Variants in LRRC8B observed in about 807,000 individuals in gnomAD.
LRRC8B encodes the protein leucine rich repeat containing 8 VRAC subunit B.
A neutral mutation model predicts 58.8 loss-of-function variants in LRRC8B; 23 were observed. The ratio of observed to expected loss-of-function variants is 0.39; its 90% confidence interval spans 0.28 to 0.55. The LOEUF (loss-of-function observed/expected upper bound fraction) is 0.55, where lower values mean the gene tolerates loss of function less well. Among genes scored for constraint, LRRC8B ranks in the 20% least tolerant of loss-of-function variants. The pLI, the probability that LRRC8B is intolerant of heterozygous loss-of-function variation, is 0.62. For synonymous variants in LRRC8B, 359 were observed against 374.1 expected (o/e 0.96, Z 0.47); for missense variants, 694 against 936.0 (o/e 0.74, Z 3.37).
intron 1 of LRRC8B, among the ~76,000 whole-genome samples, chr1:89,554,608 A>T (rs1652046652): frequency 6.6e-6 from 1 of 152,188 alleles, no homozygotes; most frequent in African/African-American, 2.4e-5. Flanking sequence ...CATGTGCAAG[A>T]TGTAATATTT....
chr1:89,557,433 T>C (rs2100938118), intron 1 of LRRC8B, among the ~76,000 whole-genome samples: 1 of 152,360 alleles, frequency 6.6e-6, no homozygotes, highest in Non-Finnish European at 1.5e-5. Context: ...AGAGTTCTCT[T>C]TTGCATCTGT....
rs1023275386 is a variant in LRRC8B at position 89,596,697 on chromosome 1, C to G, written c.*3654C>G. On this transcript the variant is annotated 3_prime_UTR_variant, in exon 6 of 6. Transcript: ENST00000330947. Reference sequence around the variant, plus strand: ...TATGTTGTTTTCCTTCTCCACTCACCTACCGCACTAAATTTGATCAGCAAT... The same window carrying G: ...TATGTTGTTTTCCTTCTCCACTCACGTACCGCACTAAATTTGATCAGCAAT... 6.6e-6 allele frequency: 1 copy of G among 152,122 alleles called. No homozygotes were observed. Among genetic ancestry groups the G allele is most frequent in the African/African-American group, 2.4e-5 (1 of 41,432 alleles). 9.4% of individuals were successfully genotyped at this position (152,122 alleles called of 1,614,324 possible).
At position 89,583,041 on chromosome 1, in the gene LRRC8B, A is replaced by C; in HGVS notation, c.391A>C (p.Ile131Leu). ...FPYLVLLHTL[I>L]FAACSNFWLH... ...CTATCTGGTGCTCTTGCACACGCTC[A>C]TCTTTGCAGCCTGCAGCAACTTTTG... The change falls in exon 5 of 6, where the codon ATC (isoleucine) becomes CTC (leucine). Residue 131 changes from isoleucine to leucine, a missense_variant. Coordinates refer to ENST00000330947, the MANE Select transcript of LRRC8B (RefSeq NM_001369817.2). The surrounding 1 kb of genome is among the most constrained non-coding windows in gnomAD (Gnocchi z 5.2). The C allele has an allele frequency of 6.2e-7, 1 of 1,614,170 alleles. No individual in the cohort carries two copies.
intron 1 of LRRC8B, chr1:89,526,969 A>C (rs1235004968): frequency 2.6e-5 from 4 of 152,224 alleles, no homozygotes; most frequent in African/African-American, 9.6e-5. Context: ...CAGAATCCTC[A>C]GAGTGAAAAC....
intron 1 of LRRC8B, among the ~76,000 whole-genome samples, chr1:89,541,352 T>C (rs1650952526): frequency 6.6e-6 from 1 of 152,206 alleles, no homozygotes; most frequent in South Asian, 2.1e-4. Context: ...TCACTTTTGA[T>C]GTTGTCATCA....
chr1:89,596,109 C>T lies in LRRC8B; in HGVS notation c.*3066C>T, dbSNP rs1041094964. The T allele has an allele frequency of 6.6e-6, 1 of 151,600 alleles. No homozygotes were observed. Among genetic ancestry groups the T allele is most frequent in the East Asian group, 1.9e-4 (1 of 5,176 alleles). 9.4% of individuals were successfully genotyped at this position (151,600 alleles called of 1,614,324 possible). The stretch of plus-strand genomic sequence containing the variant: ...GTAGATTAAATTAAGTATGATAGCA[C>T]GTTTTTTAATTCATTAATCATGAAG... On this transcript the variant is annotated 3_prime_UTR_variant, in exon 6 of 6. Transcript: ENST00000330947.
intron 1 of LRRC8B, among the ~76,000 whole-genome samples, chr1:89,529,544 A>C (rs1649955269): frequency 6.6e-6 from 1 of 152,140 alleles, no homozygotes; most frequent in African/African-American, 2.4e-5. Context: ...GAATTGAAAG[A>C]AAAAAAGTAT....
chr1:89,545,896 A>G (rs951422022), intron 1 of LRRC8B, among the ~76,000 whole-genome samples: 1 of 152,232 alleles, frequency 6.6e-6, no homozygotes, highest in Non-Finnish European at 1.5e-5. Flanking sequence ...GAAAGAATGT[A>G]TGCAGTACTG....
intron 3 of LRRC8B, among the ~76,000 whole-genome samples, chr1:89,575,898 G>T (rs1307566186): frequency 2.0e-5 from 3 of 151,992 alleles, no homozygotes; most frequent in Non-Finnish European, 4.4e-5. Flanking sequence ...TAAACATATT[G>T]TAAACTTTAG....
Position 89,571,762 on chromosome 1 carries a change from G to T in LRRC8B, c.-125+3269G>T, listed in dbSNP as rs143478283. Among the ~76,000 whole-genome samples, 526 of 152,056 alleles carry T rather than the reference G, an allele frequency of 3.5e-3. 2 individuals carry two copies. Among genetic ancestry groups the T allele is most frequent in the Non-Finnish European group, 5.2e-3 (354 of 67,964 alleles). On this transcript the variant is annotated intron_variant, in intron 3 of 5. Transcript: ENST00000330947. ...GTGAGAGAGGGGATTATTGTTGTGT[G>T]CTGGTTTTCTTTCTTTCTTTTTTTT...
chr1:89,541,626 G>A lies in LRRC8B; in HGVS notation c.-241+16604G>A, dbSNP rs550299548. ...CTTGGGAGGCTGAGGCAGGAGAATG[G>A]CGTGAACCCGGGAGGCGGAGCTTGC... On this transcript the variant is annotated intron_variant, in intron 1 of 5. Coordinates refer to ENST00000330947, the MANE Select transcript of LRRC8B (RefSeq NM_001369817.2). Among the ~76,000 whole-genome samples, 1,448 of 147,100 alleles carry A rather than the reference G, an allele frequency of 9.8e-3. 25 individuals are homozygous for A. Among genetic ancestry groups the A allele is most frequent in the African/African-American group, 0.035 (1,372 of 39,522 alleles).
chr1:89,530,324 A>G (rs1439741663), intron 1 of LRRC8B, among the ~76,000 whole-genome samples: 1 of 151,782 alleles, frequency 6.6e-6, no homozygotes, highest in Non-Finnish European at 1.5e-5. Context: ...GTGCCACTGC[A>G]CTCCAGCCTG....
At chr1:89,540,666 G>GA (rs1472319374) in intron 1 of LRRC8B, among the ~76,000 whole-genome samples, 1 of 152,150 alleles carries the variant, frequency 6.6e-6, no homozygotes, top group Admixed American at 6.5e-5. Context: ...AGCTTCCTCA[G>GA]GAAGAGCCCA....
In LRRC8B at chr1:89,592,825, T is replaced by C. The variant is rs1655070284; in HGVS notation, c.2194T>C (p.Leu732=). 3 of 1,614,200 alleles carry C rather than the reference T, an allele frequency of 1.9e-6. No homozygotes were observed. The highest frequency in any genetic ancestry group is 1.3e-5 in the African/African-American group (1 of 75,060). ...FQCKKLQCLL[L]GKNSLMNLSP... ...GTGCAAAAAGCTGCAGTGTTTACTTTTGGGGAAAAATAGCTTGATGAATTT... is the reference window on the plus strand; with the variant it reads ...GTGCAAAAAGCTGCAGTGTTTACTTCTGGGGAAAAATAGCTTGATGAATTT... The change falls in exon 6 of 6, where the codon TTG becomes CTG. Residue 732 remains leucine, a synonymous_variant. Transcript: ENST00000330947.
At chr1:89,541,419 G>T (rs979867939) in intron 1 of LRRC8B, among the ~76,000 whole-genome samples, 1 of 152,004 alleles carries the variant, frequency 6.6e-6, no homozygotes, top group Non-Finnish European at 1.5e-5. Flanking sequence ...CAATTAAAAA[G>T]CTGGCTTTCT....
intron 1 of LRRC8B, among the ~76,000 whole-genome samples, chr1:89,530,936 C>T (rs1329549645): frequency 2.0e-5 from 3 of 152,098 alleles, no homozygotes. Context: ...CTGTAACAGC[C>T]TTGGAGGATG....
At chr1:89,570,883 G>A (rs1010526355) in intron 3 of LRRC8B, among the ~76,000 whole-genome samples, 3 of 152,006 alleles carry the variant, frequency 2.0e-5, no homozygotes, top group Non-Finnish European at 4.4e-5. Context: ...TTTTGAGTTC[G>A]TTTTTGTATA....
At chr1:89,557,678 C>T (rs1376614414) in intron 1 of LRRC8B, among the ~76,000 whole-genome samples, 1 of 152,144 alleles carries the variant, frequency 6.6e-6, no homozygotes, top group Non-Finnish European at 1.5e-5. Context: ...CTCACTAGTG[C>T]GAGGAGCGGA....
intron 5 of LRRC8B, among the ~76,000 whole-genome samples, chr1:89,591,593 G>T (rs559546380): frequency 6.5e-4 from 99 of 152,206 alleles, no homozygotes; most frequent in African/African-American, 2.2e-3. Context: ...TTAGAGGGAG[G>T]GGTGATGTAG....
Sources: allele counts gnomAD v4.1 joint callset (sites outside exome capture counted in the v4.1 genomes callset), GRCh38; gene constraint gnomAD v4.1.1; non-coding constraint Gnocchi (gnomAD v3.1); transcripts MANE v1.5; gene names NCBI Gene and HGNC (gene_info 2026-07-23, HGNC 2026-07-21).